PRELID2: variants seen among roughly 807,000 people sequenced by gnomAD.
The protein encoded by PRELID2 is PRELI domain containing 2, also known as PRELI domain-containing protein 2.
PRELID2 carries 25 observed loss-of-function variants against 28.4 expected under a neutral mutation model. The observed-to-expected ratio is 0.88, with a 90% CI of 0.64 to 1.23. The LOEUF is 1.23. Among genes scored for constraint, PRELID2 ranks in the 50% most tolerant of loss-of-function variants. The pLI is 0.00. For synonymous variants in PRELID2, 76 were observed against 71.6 expected (o/e 1.06, Z -0.31); for missense variants, 201 against 214.4 (o/e 0.94, Z 0.39).
intron 4 of PRELID2, 21 bp downstream of exon 4, chr5:145,817,873 A>C: frequency 1.3e-6 from 2 of 1,523,688 alleles, no homozygotes; most frequent in South Asian, 1.3e-5. Flanking sequence ...AAACACACAC[A>C]CATATACACA....
chr5:145,497,453 C>T (rs1412207603), intron 1 of PRELID2, among the ~76,000 whole-genome samples: 2 of 152,112 alleles, frequency 1.3e-5, no homozygotes, highest in African/African-American at 2.4e-5. Flanking sequence ...CAATAAACTT[C>T]TTGCATTTAA....
At chr5:145,712,906 A>C (rs1755734219) in intron 1 of PRELID2, among the ~76,000 whole-genome samples, 2 of 152,218 alleles carry the variant, frequency 1.3e-5, no homozygotes, top group South Asian at 4.1e-4. Context: ...TCAGAGATGA[A>C]GAATATATTT....
intron 1 of PRELID2, among the ~76,000 whole-genome samples, chr5:145,477,707 C>G (rs1360738918): frequency 6.6e-6 from 1 of 152,068 alleles, no homozygotes. Flanking sequence ...CAAATGGAAG[C>G]CCTACAAAAT....
intron 1 of PRELID2, among the ~76,000 whole-genome samples, chr5:145,741,958 T>A (rs1316515987): frequency 1.1e-3 from 12 of 11,366 alleles, no homozygotes; most frequent in Admixed American, 3.4e-3. Flanking sequence ...TTTATTATAA[T>A]TAAATAAATA....
At chr5:145,829,106 G>A (rs1755416360) in intron 1 of PRELID2, among the ~76,000 whole-genome samples, 1 of 151,856 alleles carries the variant, frequency 6.6e-6, no homozygotes, top group Non-Finnish European at 1.5e-5. Flanking sequence ...TTGCCCTGTT[G>A]CCCAGGCTGG....
intron 1 of PRELID2, among the ~76,000 whole-genome samples, chr5:145,684,765 C>T (rs79661997): frequency 0.021 from 3,180 of 152,236 alleles, 61 homozygotes; most frequent in Non-Finnish European, 0.032. Context: ...ATGAACCAAT[C>T]CTGGGGGCAG....
At chr5:145,683,383 C>T (rs1371409525) in intron 1 of PRELID2, among the ~76,000 whole-genome samples, 1 of 152,146 alleles carries the variant, frequency 6.6e-6, no homozygotes, top group African/African-American at 2.4e-5. Flanking sequence ...TACTGGTGTG[C>T]TAGGGCTACT....
chr5:145,834,612 G>A (rs1178543999), intron 1 of PRELID2: 1 of 152,088 alleles, frequency 6.6e-6, no homozygotes, highest in Non-Finnish European at 1.5e-5. Flanking sequence ...CTTCATTTAG[G>A]TCACAACTGT....
the PRELID2 span, among the ~76,000 whole-genome samples, chr5:145,395,503 T>C: frequency 6.6e-6 from 1 of 152,156 alleles, no homozygotes; most frequent in Non-Finnish European, 1.5e-5. Context: ...GTAACTCACC[T>C]GAGAACAAGC....
intron 1 of PRELID2, among the ~76,000 whole-genome samples, chr5:145,613,702 TTCA>T (rs1753655340): frequency 2.6e-5 from 4 of 152,256 alleles, no homozygotes; most frequent in Admixed American, 2.6e-4. Context: ...TTTGTTTGAG[TTCA>T]TTGTAGATTT....
the PRELID2 span, among the ~76,000 whole-genome samples, chr5:145,455,023 G>A: frequency 1.3e-5 from 2 of 152,054 alleles, no homozygotes; most frequent in African/African-American, 4.8e-5. Context: ...GTTGCCATCG[G>A]TCTTGGTGTT....
intron 1 of PRELID2, among the ~76,000 whole-genome samples, chr5:145,607,834 C>G (rs575039978): frequency 6.6e-6 from 1 of 152,154 alleles, no homozygotes; most frequent in Admixed American, 6.5e-5. Flanking sequence ...CTAATACTGT[C>G]AGTGGGGTAT....
At chr5:145,408,395 T>TTATATATA in the PRELID2 span, among the ~76,000 whole-genome samples, 27 of 129,254 alleles carry the variant, frequency 2.1e-4, no homozygotes, top group South Asian at 8.2e-4. Flanking sequence ...TTAAAGAAAT[T>TTATATATA]TATATATATA....
At chr5:145,389,576 T>A in the PRELID2 span, among the ~76,000 whole-genome samples, 3 of 152,264 alleles carry the variant, frequency 2.0e-5, no homozygotes, top group Non-Finnish European at 2.9e-5. Flanking sequence ...CTCAAATAAG[T>A]GGTAACAACT....
chr5:145,697,294 C>G (rs1755301520), intron 1 of PRELID2, among the ~76,000 whole-genome samples: 1 of 151,828 alleles, frequency 6.6e-6, no homozygotes, highest in Non-Finnish European at 1.5e-5. Context: ...TCATGCTTCT[C>G]CTCATTTAAT....
the PRELID2 span, among the ~76,000 whole-genome samples, chr5:145,329,361 T>C: frequency 4.6e-5 from 7 of 152,178 alleles, no homozygotes; most frequent in Admixed American, 1.3e-4. Flanking sequence ...GCCTGTAAAT[T>C]ACTTTGGGCA....
the PRELID2 span, among the ~76,000 whole-genome samples, chr5:145,309,660 T>C: frequency 6.6e-6 from 1 of 152,226 alleles, no homozygotes; most frequent in Non-Finnish European, 1.5e-5. Context: ...TGCCAAGTGC[T>C]ATGTTCAGTC....
chr5:145,673,055 G>T (rs10072356), intron 1 of PRELID2, among the ~76,000 whole-genome samples: 1 of 152,032 alleles, frequency 6.6e-6, no homozygotes, highest in Admixed American at 6.6e-5. Context: ...TGCCAGAAAA[G>T]CTCACAGAAG....
chr5:145,547,999 CTCCTAAAAGCCA>C (rs1752802001), intron 1 of PRELID2, among the ~76,000 whole-genome samples: 1 of 152,128 alleles, frequency 6.6e-6, no homozygotes. Context: ...ATTGACTCCC[CTCCTAAAAGCCA>C]TCTGTGTATA....
Sources: gnomAD v4.1 joint callset for allele counts (sites outside exome capture counted in the v4.1 genomes callset) on GRCh38, gnomAD v4.1.1 for gene constraint, MANE v1.5 for transcripts, NCBI Gene and HGNC (gene_info 2026-07-23, HGNC 2026-07-21) for gene names.